Variants in ILKAP observed in about 807,000 individuals in gnomAD.
ILKAP encodes integrin-linked kinase-associated serine/threonine phosphatase 2C.
In ILKAP, 11 loss-of-function variants were observed where a neutral mutation model predicts 49.1. That is an observed-to-expected ratio of 0.22 (90% confidence interval 0.14 to 0.37). The LOEUF (loss-of-function observed/expected upper bound fraction) is 0.37, where lower values mean the gene tolerates loss of function less well. Ranked by LOEUF, ILKAP falls within the 10% of genes least tolerant of loss-of-function variation. The probability of loss-of-function intolerance (pLI) is 1.00; values close to 1 mark genes in which losing one functional copy is unlikely to be tolerated. For missense variants in ILKAP, 363 were observed against 510.8 expected, an observed-to-expected ratio of 0.71 and a Z score of 2.79; for synonymous variants, 186 against 192.8, an observed-to-expected ratio of 0.96 and a Z score of 0.29.
At chr2:238,189,677 G>T (rs1694043157) in intron 4 of ILKAP, 176 bp downstream of exon 4, 1 of 516,210 alleles carries the variant, frequency 1.9e-6, no homozygotes, top group Non-Finnish European at 3.4e-6. Flanking sequence ...AGATGTACAT[G>T]AAAAGTAGGA....
chr2:238,193,314 G>A (rs1476066926), intron 3 of ILKAP, among the ~76,000 whole-genome samples: 1 of 152,076 alleles, frequency 6.6e-6, no homozygotes, highest in Non-Finnish European at 1.5e-5. Context: ...TCTGCCTCCT[G>A]GGTTCAAGCG....
At chr2:238,178,757 T>TA (rs1372886946) in intron 9 of ILKAP, among the ~76,000 whole-genome samples, 2 of 152,050 alleles carry the variant, frequency 1.3e-5, no homozygotes, top group African/African-American at 2.4e-5. Flanking sequence ...TTGGGCTTTT[T>TA]AAAAAAATTT....
chr2:238,185,274 ATGAAACC>A lies in ILKAP; in HGVS notation c.432_438del (p.Val145IlefsTer25), dbSNP rs1245416538. 6.2e-7 allele frequency: 1 copy of A among 1,609,680 alleles called. No homozygotes were observed. The highest frequency in any genetic ancestry group is 8.5e-7 in the Non-Finnish European group (1 of 1,176,078). On this transcript the variant is annotated frameshift_variant, in exon 6 of 12. Coordinates refer to ENST00000254654, the MANE Select transcript of ILKAP (RefSeq NM_030768.3). LOFTEE classifies it high-confidence loss of function. ...CCATGTCCATCAAAAACAGCAAAAT[ATGAAACC>A]CGAGTACTGAAAGAACGAATTGAGA...
At chr2:238,192,083 G>A (rs552231062) in intron 3 of ILKAP, among the ~76,000 whole-genome samples, 7 of 150,498 alleles carry the variant, frequency 4.7e-5, no homozygotes, top group Admixed American at 4.0e-4. Context: ...GTGGTGGCAG[G>A]TGCCTATAGT....
chr2:238,173,828 A>T (rs1343538312), intron 9 of ILKAP, 175 bp from the exon 10 acceptor site: 1 of 797,122 alleles, frequency 1.3e-6, no homozygotes, highest in Admixed American at 2.9e-5. Flanking sequence ...TGTCTAGGCC[A>T]TTAACTGCTG....
At chr2:238,177,048 C>T (rs954656465) in intron 9 of ILKAP, among the ~76,000 whole-genome samples, 2 of 152,230 alleles carry the variant, frequency 1.3e-5, no homozygotes, top group Non-Finnish European at 1.5e-5. Context: ...ATGTAAACTT[C>T]CCATCTGTTC....
Position 238,188,994 on chromosome 2 carries a change from C to T in ILKAP, c.299-737G>A, listed in dbSNP as rs139174414. On this transcript the variant is annotated intron_variant, in intron 4 of 11. Coordinates refer to ENST00000254654, the MANE Select transcript of ILKAP (RefSeq NM_030768.3). ...ATCATACAGCTTTCACTGAGGTAAT[C>T]TGTGACAAAGGACAATGCAGTCAAT... 1.1e-3 allele frequency among the ~76,000 whole-genome samples: 164 copies of T among 152,316 alleles called. 1 individual carries two copies. Among genetic ancestry groups the T allele is most frequent in the African/African-American group, 3.9e-3 (162 of 41,570 alleles).
chr2:238,201,624 C>T (rs36004103), intron 1 of ILKAP, among the ~76,000 whole-genome samples: 42,014 of 152,160 alleles, frequency 0.28, 6,217 homozygotes, highest in South Asian at 0.37. Flanking sequence ...AGGTGCCAAC[C>T]TATGAGATTC....
chr2:238,183,275 A>G (rs1380690966), intron 8 of ILKAP, among the ~76,000 whole-genome samples: 1 of 152,224 alleles, frequency 6.6e-6, no homozygotes, highest in African/African-American at 2.4e-5. Context: ...CAGGGGTTAA[A>G]GCTTTTCATT....
intron 7 of ILKAP, 131 bp downstream of exon 7, chr2:238,183,889 G>A: frequency 2.1e-6 from 2 of 950,336 alleles, no homozygotes; most frequent in Non-Finnish European, 3.3e-6. Flanking sequence ...TTAGCTAACG[G>A]TTATAAAAGC....
At chr2:238,193,823 C>T (rs983669887) in intron 3 of ILKAP, among the ~76,000 whole-genome samples, 1 of 152,222 alleles carries the variant, frequency 6.6e-6, no homozygotes, top group African/African-American at 2.4e-5. Flanking sequence ...CAGAATCATA[C>T]CTTTGCCGCA....
rs138423240 is a variant in ILKAP at position 238,170,969 on chromosome 2, C to A, written c.1012G>T (p.Val338Leu). 7.4e-6 allele frequency: 12 copies of A among 1,613,812 alleles called. No homozygotes were observed. In the Admixed American group the frequency reaches 2.0e-4, roughly 27 times the overall value. The change falls in exon 11 of 12, where the codon GTG becomes TTG. Residue 338 changes from valine (V) to leucine (L), a missense_variant. Around this residue, in one of 3 missense-constraint regions of ILKAP, gnomAD observed 83 missense variants for 87.5 expected, o/e 0.95. Coordinates refer to ENST00000254654, the MANE Select transcript of ILKAP (RefSeq NM_030768.3). ...LFKVFTPEEA[V>L]NFILSCLEDE... is the part of the protein sequence containing the mutation. ...TCGAGACAGGACAAGATGAAGTTCA[C>A]GGCTTCTTCTGGGGTAAAGACCTTG...
chr2:238,193,270 G>A (rs1416998142), intron 3 of ILKAP, among the ~76,000 whole-genome samples: 2 of 152,074 alleles, frequency 1.3e-5, no homozygotes, highest in Admixed American at 1.3e-4. Flanking sequence ...ACCCAGGCTG[G>A]AGTGCAATGG....
Position 238,184,111 on chromosome 2 carries a change from C to T in ILKAP, c.535G>A (p.Asp179Asn), listed in dbSNP as rs780268217. Residue 179 changes from aspartate to asparagine, a missense_variant and splice_region_variant, in exon 7 of 12, where the codon GAT becomes AAT. This residue lies in a region of ILKAP where 166 missense variants were observed against 307.3 expected (regional missense o/e 0.54). Transcript: ENST00000254654. The stretch of plus-strand genomic sequence containing the variant: ...ACGGTTTTCTCTACACTGATTACAT[C>T]TCCTATTACAGAAGGGCCAAAAGAA... ...QNLIRKFPKG[D>N]VISVEKTVKR... 2 of 1,552,376 alleles carry T rather than the reference C, an allele frequency of 1.3e-6. No homozygotes were observed. The highest frequency in any genetic ancestry group is 1.8e-6 in the Non-Finnish European group (2 of 1,123,810).
chr2:238,178,724 A>T (rs1693571770), intron 9 of ILKAP, among the ~76,000 whole-genome samples: 1 of 151,938 alleles, frequency 6.6e-6, no homozygotes, highest in Non-Finnish European at 1.5e-5. Flanking sequence ...CTCCAACTGA[A>T]CTGAGCACCC....
At chr2:238,186,826 A>C (rs1693927641) in intron 5 of ILKAP, 1 of 152,082 alleles carries the variant, frequency 6.6e-6, no homozygotes, top group Non-Finnish European at 1.5e-5. Context: ...GAGAAAAAAA[A>C]CCTCATCTGG....
At chr2:238,176,133 GGC>G (rs1693443924) in intron 9 of ILKAP, among the ~76,000 whole-genome samples, 1 of 47,140 alleles carries the variant, frequency 2.1e-5, no homozygotes, top group African/African-American at 9.9e-5. Context: ...AGCAAGTAGT[GGC>G]TTTTTTTTTT....
chr2:238,185,897 G>A (rs547583488), intron 5 of ILKAP: 2 of 151,998 alleles, frequency 1.3e-5, no homozygotes, highest in African/African-American at 4.8e-5. Context: ...TATTCTAAAA[G>A]AGATGTAACA....
chr2:238,203,012 AT>A (rs1694635524), intron 1 of ILKAP, among the ~76,000 whole-genome samples: 1 of 152,138 alleles, frequency 6.6e-6, no homozygotes, highest in Non-Finnish European at 1.5e-5. Context: ...TCCAGTGCAA[AT>A]AAAAACGCCA....
Sources: gnomAD v4.1 joint callset for allele counts (sites outside exome capture counted in the v4.1 genomes callset) on GRCh38, gnomAD v4.1.1 for gene constraint, gnomAD v4.1.1 regional missense constraint, MANE v1.5 for transcripts, NCBI Gene and HGNC (gene_info 2026-07-23, HGNC 2026-07-21) for gene names.